The following POLD3 variants were observed in gnomAD, a reference collection of about 807,000 sequenced individuals.
POLD3 encodes DNA polymerase delta 3, accessory subunit.
In POLD3, 19 loss-of-function variants were observed where a neutral mutation model predicts 58.2. The ratio of observed to expected loss-of-function variants is 0.33; its 90% CI spans 0.23 to 0.48. POLD3 has a LOEUF of 0.48. Among genes scored for constraint, POLD3 ranks in the 20% least tolerant of loss-of-function variants. POLD3 has a pLI of 0.99. For missense variants in POLD3, 504 were observed against 545.5 expected (o/e 0.92, Z 0.76); for synonymous variants, 172 against 193.5 (o/e 0.89, Z 0.92).
chr11:74,666,909 T>C (rs1276613620), intron 4 of POLD3, among the ~76,000 whole-genome samples: 1 of 149,448 alleles, frequency 6.7e-6, no homozygotes, highest in Non-Finnish European at 1.5e-5. Flanking sequence ...AAACAATTGA[T>C]AGTCCAGAAT....
intron 4 of POLD3, among the ~76,000 whole-genome samples, chr11:74,661,712 C>T (rs1216382353): frequency 6.6e-6 from 1 of 152,174 alleles, no homozygotes; most frequent in African/African-American, 2.4e-5. Context: ...CACTCAAGGC[C>T]CTAGAGTTCC....
chr11:74,600,648 A>C (rs951740608), intron 2 of POLD3, among the ~76,000 whole-genome samples: 6 of 151,634 alleles, frequency 4.0e-5, no homozygotes, highest in African/African-American at 1.5e-4. Context: ...AAAACAGAAA[A>C]GTTTGGCTTA....
chr11:74,636,077 C>T, intron 10 of POLD3, 120 bp from the exon 11 acceptor site: 2 of 964,776 alleles, frequency 2.1e-6, no homozygotes, highest in Non-Finnish European at 3.1e-6. Context: ...TAGAGTTTCT[C>T]TTTCAACTTT....
chr11:74,595,864 A>G (rs2031231138), intron 2 of POLD3, among the ~76,000 whole-genome samples: 2 of 152,274 alleles, frequency 1.3e-5, no homozygotes, highest in African/African-American at 4.8e-5. Flanking sequence ...CCCAGGCTCA[A>G]GCCCCTGCCT....
intron 7 of POLD3, 31 bp downstream of exon 7, chr11:74,620,120 C>T (rs377089927): frequency 1.3e-5 from 19 of 1,474,820 alleles, no homozygotes; most frequent in Admixed American, 5.0e-5. Context: ...CTTTGACTAA[C>T]GAATGAATGT....
chr11:74,609,364 ATATATATATTTTTTTTTTTTTTTT>A (rs1477084103), intron 3 of POLD3, among the ~76,000 whole-genome samples: 84 of 43,156 alleles, frequency 1.9e-3, no homozygotes, highest in Non-Finnish European at 2.6e-3. Context: ...ATATATATAT[ATATATATATTTTTTTTTTTTTTTT>A]TTTTTTTTTT....
intron 4 of POLD3, among the ~76,000 whole-genome samples, chr11:74,661,960 C>T (rs980840038): frequency 6.6e-6 from 1 of 152,214 alleles, no homozygotes; most frequent in African/African-American, 2.4e-5. Context: ...CTCCCAATGG[C>T]CACCACCACC....
chr11:74,624,019 A>G (rs1048559259), intron 7 of POLD3, among the ~76,000 whole-genome samples: 1 of 152,240 alleles, frequency 6.6e-6, no homozygotes, highest in African/African-American at 2.4e-5. Context: ...ACTCAATGCA[A>G]TAGCCTCTCT....
chr11:74,643,871 A>G (rs1288799974), downstream of POLD3, among the ~76,000 whole-genome samples: 3 of 152,226 alleles, frequency 2.0e-5, no homozygotes, highest in Admixed American at 1.3e-4. Context: ...TTAAAATTCT[A>G]GCGGGATTAA....
chr11:74,637,831 T>A (rs2032794532), intron 11 of POLD3, among the ~76,000 whole-genome samples: 1 of 151,912 alleles, frequency 6.6e-6, no homozygotes, highest in Admixed American at 6.6e-5. Flanking sequence ...TTAAAGGTTT[T>A]TGGTCCAAGC....
intron 9 of POLD3, among the ~76,000 whole-genome samples, chr11:74,630,666 G>A (rs188397707): frequency 7.2e-4 from 109 of 152,264 alleles, no homozygotes; most frequent in African/African-American, 2.5e-3. Flanking sequence ...GTAGACACAT[G>A]GGAAAATAAT....
At chr11:74,663,805 A>G (rs948521499) in intron 4 of POLD3, among the ~76,000 whole-genome samples, 5 of 152,344 alleles carry the variant, frequency 3.3e-5, no homozygotes, top group African/African-American at 1.2e-4. Flanking sequence ...GACACCATTA[A>G]GAAATAAGTA....
intron 9 of POLD3, among the ~76,000 whole-genome samples, chr11:74,630,825 A>G (rs1304795428): frequency 1.3e-5 from 2 of 152,238 alleles, no homozygotes; most frequent in Non-Finnish European, 2.9e-5. Context: ...AAGTTAAGGA[A>G]TGACTATGGT....
chr11:74,629,214 CA>C lies in POLD3; in HGVS notation c.900-2del. On this transcript the variant is annotated splice_acceptor_variant, in intron 8 of 11. Coordinates refer to ENST00000263681, the MANE Select transcript of POLD3 (RefSeq NM_006591.3). LOFTEE classifies it high-confidence loss of function. ...CGCTTAATTTATTTCTGGATGGCAA[CA>C]GGGGGAAGCGAGTAGCATTATCTGA... 1.3e-6 allele frequency: 2 copies of C among 1,559,230 alleles called. No individual in the cohort carries two copies. The highest frequency in any genetic ancestry group is 1.1e-5 in the South Asian group (1 of 88,056).
At chr11:74,595,843 G>A (rs1293146047) in intron 2 of POLD3, among the ~76,000 whole-genome samples, 1 of 152,176 alleles carries the variant, frequency 6.6e-6, no homozygotes, top group Non-Finnish European at 1.5e-5. Flanking sequence ...GTCCCAGGCT[G>A]GTCTTGAATT....
chr11:74,636,400 A>T (rs189811270), intron 11 of POLD3, 125 bp downstream of exon 11: 3 of 846,726 alleles, frequency 3.5e-6, no homozygotes, highest in Non-Finnish European at 5.6e-6. Flanking sequence ...CCCAAGTGGT[A>T]CTGATGCTGT....
At chr11:74,652,121 C>T (rs4145954) in intron 4 of POLD3, among the ~76,000 whole-genome samples, 82,768 of 151,984 alleles carry the variant, frequency 0.54, 23,056 homozygotes, top group Non-Finnish European at 0.61. Context: ...TTTTCTTTCC[C>T]TTCACATACT....
At chr11:74,593,240 G>A (rs943199677) in intron 1 of POLD3, among the ~76,000 whole-genome samples, 6 of 152,162 alleles carry the variant, frequency 3.9e-5, no homozygotes, top group Non-Finnish European at 7.4e-5. Context: ...CGTGATGATT[G>A]AGTGCCTGCT....
chr11:74,621,111 A>C (rs1208894759), intron 7 of POLD3, among the ~76,000 whole-genome samples: 1 of 152,184 alleles, frequency 6.6e-6, no homozygotes, highest in East Asian at 1.9e-4. Flanking sequence ...GTTGGTGCAC[A>C]GGGAATGCTT....
Sources: gnomAD v4.1 joint callset for allele counts (sites outside exome capture counted in the v4.1 genomes callset) on GRCh38, gnomAD v4.1.1 for gene constraint, MANE v1.5 for transcripts, NCBI Gene and HGNC (gene_info 2026-07-23, HGNC 2026-07-21) for gene names.